Variants in NFASC observed in about 807,000 individuals in gnomAD.
NFASC encodes the protein neurofascin.
NFASC carries 43 observed loss-of-function variants against 147.5 expected under a neutral mutation model. That is an observed-to-expected ratio of 0.29 (90% confidence interval 0.23 to 0.38). NFASC has a LOEUF of 0.38. Ranked by LOEUF, NFASC falls within the 10% of genes least tolerant of loss-of-function variation. The probability of loss-of-function intolerance (pLI) is 1.00; values close to 1 mark genes in which losing one functional copy is unlikely to be tolerated. For missense variants in NFASC, 1,320 were observed against 1,689.0 expected (o/e 0.78, Z 3.83); for synonymous variants, 622 against 665.5 (o/e 0.93, Z 1.01).
At chr1:204,939,090 G>A (rs1328765279) in intron 2 of NFASC, among the ~76,000 whole-genome samples, 2 of 150,838 alleles carry the variant, frequency 1.3e-5, no homozygotes, top group East Asian at 1.9e-4. Flanking sequence ...GTGTGTGTAG[G>A]GGGATTGGGA....
At chr1:204,900,756 C>T (rs1029442181) in intron 1 of NFASC, among the ~76,000 whole-genome samples, 3 of 152,000 alleles carry the variant, frequency 2.0e-5, no homozygotes, top group Non-Finnish European at 4.4e-5. Flanking sequence ...GGAACGAAGA[C>T]CTGAGGGAGA....
intron 1 of NFASC, among the ~76,000 whole-genome samples, chr1:204,829,722 G>A (rs1014369037): frequency 4.6e-5 from 7 of 152,158 alleles, no homozygotes; most frequent in African/African-American, 1.4e-4. Flanking sequence ...AGGGTCCAGG[G>A]GAATGACTGA....
rs2095385536 is a variant in NFASC, at chr1:204,975,658, C to T, written c.1706+240C>T. The stretch of plus-strand genomic sequence containing the variant: ...CTCCCTGCTTCTCTCTCCTACACCT[C>T]CTCTCTCTCCCTCTTCTCAATCTCT... On this transcript the variant is annotated intron_variant, in intron 15 of 29. Transcript: ENST00000339876. The surrounding 1 kb of genome is among the most constrained non-coding windows in gnomAD (Gnocchi z 4.0). 6.6e-6 allele frequency among the ~76,000 whole-genome samples: 1 copy of T among 152,052 alleles called. No homozygotes were observed.
chr1:204,944,143 C>G (rs12061847), intron 2 of NFASC, 83 bp from the exon 3 acceptor site: 366,108 of 1,242,996 alleles, frequency 0.29, 56,352 homozygotes, highest in African/African-American at 0.44. Context: ...GGGGGCTCTT[C>G]GGTCCTCCAA....
At position 204,980,367 on chromosome 1, in the gene NFASC, C is replaced by T; in HGVS notation, c.2177-3C>T. ...CTTGAGCCTGTGTCTGTTTGGGTTC[C>T]AGCCCCCGAGTCCAATCCTGGTGAC... is the stretch of plus-strand genomic sequence containing the variant. On this transcript the variant is annotated splice_polypyrimidine_tract_variant and splice_region_variant and intron_variant, in intron 19 of 29. Transcript: ENST00000339876. The T allele has an allele frequency of 3.1e-6, 5 of 1,613,194 alleles. No individual in the cohort carries two copies. Among genetic ancestry groups the T allele is most frequent in the South Asian group, 1.1e-5 (1 of 90,900 alleles).
At chr1:204,833,982 T>C (rs934780827) in intron 1 of NFASC, among the ~76,000 whole-genome samples, 11 of 152,226 alleles carry the variant, frequency 7.2e-5, no homozygotes, top group Non-Finnish European at 8.8e-5. Context: ...ATTCATCAGA[T>C]GCTAACTGCT....
chr1:204,893,810 A>G (rs924403486), intron 1 of NFASC, among the ~76,000 whole-genome samples: 1 of 152,198 alleles, frequency 6.6e-6, no homozygotes, highest in Non-Finnish European at 1.5e-5. Flanking sequence ...TAAGTCCATT[A>G]TACAGTAAAG....
At position 205,016,299 on chromosome 1, in the gene NFASC, T is replaced by G; in HGVS notation, c.3492-9T>G. ...CCCCACCTGAGATTCTCTGTCTCTC[T>G]TTGGCCAGTGATGAGGACAACAAGC... On this transcript the variant is annotated splice_polypyrimidine_tract_variant and intron_variant, in intron 29 of 29. Transcript: ENST00000339876. This position sits in a 1 kb window ranked among gnomAD's most constrained non-coding sequence, Gnocchi z 5.1. 1 of 1,597,792 alleles carries G rather than the reference T, an allele frequency of 6.3e-7. No homozygotes were observed. The highest frequency in any genetic ancestry group is 8.6e-7 in the Non-Finnish European group (1 of 1,165,282).
intron 1 of NFASC, among the ~76,000 whole-genome samples, chr1:204,891,725 T>G (rs538841210): frequency 6.6e-6 from 1 of 151,984 alleles, no homozygotes; most frequent in South Asian, 2.1e-4. Flanking sequence ...GGGCACAGAG[T>G]GGGGCTGGAG....
rs145530574 is a variant in NFASC, at chr1:204,954,267, C to G, written c.295C>G (p.Leu99Val). Residue 99 changes from leucine (L) to valine (V), a missense_variant, in exon 6 of 30, where the codon CTG (leucine) becomes GTG (valine). This residue lies in a region of NFASC where 981 missense variants were observed against 1,289.5 expected (regional missense o/e 0.76). Coordinates refer to ENST00000339876, the MANE Select transcript of NFASC (RefSeq NM_001005388.3). The surrounding 1 kb of genome is among the most constrained non-coding windows in gnomAD (Gnocchi z 5.7). ...GTCCATGAGGAGGAGGTCTGGGACC[C>G]TGGTGATTGACTTCCGCAGTGGCGG... ...RVSMRRRSGT[L>V]VIDFRSGGRP... 1 of 1,614,220 alleles carries G rather than the reference C, an allele frequency of 6.2e-7. No individual in the cohort carries two copies. The highest frequency in any genetic ancestry group is 8.5e-7 in the Non-Finnish European group (1 of 1,180,024).
chr1:204,831,155 G>A (rs1672122833), intron 1 of NFASC, among the ~76,000 whole-genome samples: 1 of 152,132 alleles, frequency 6.6e-6, no homozygotes, highest in Non-Finnish European at 1.5e-5. Context: ...TGGAGCTCAG[G>A]TGAAGTGGGG....
At chr1:204,980,076 C>A (rs983226544) in intron 19 of NFASC, among the ~76,000 whole-genome samples, 1 of 152,198 alleles carries the variant, frequency 6.6e-6, no homozygotes, top group African/African-American at 2.4e-5. Context: ...GGAGCTAATC[C>A]ACATTGAGTT....
intron 1 of NFASC, among the ~76,000 whole-genome samples, chr1:204,892,555 A>G (rs1461163630): frequency 6.6e-6 from 1 of 152,198 alleles, no homozygotes; most frequent in Non-Finnish European, 1.5e-5. Flanking sequence ...GCTGTCCAAA[A>G]TGGTAGCCAC....
Position 204,987,347 on chromosome 1 carries a change from G to GT in NFASC, c.2471-65dup. 5 of 1,460,606 alleles carry GT rather than the reference G, an allele frequency of 3.4e-6. No homozygotes were observed. The highest frequency in any genetic ancestry group is 1.8e-4 in the Middle Eastern group (1 of 5,710). The allele number at this position is 1,460,606 out of a possible 1,614,324, so 90.5% of individuals were successfully genotyped here. A position where few individuals can be genotyped will look rare whatever the true frequency, so the allele number is the denominator to read the frequency against. On this transcript the variant is annotated intron_variant, in intron 21 of 29. Coordinates refer to ENST00000339876, the MANE Select transcript of NFASC (RefSeq NM_001005388.3). The surrounding 1 kb of genome is among the most constrained non-coding windows in gnomAD (Gnocchi z 4.4). ...GTCAATGCCTTCATACTTGTGCTTTGTTTTTTGTGTTTTCCTCATCCTCCC... is the reference window on the plus strand; with the variant it reads ...GTCAATGCCTTCATACTTGTGCTTTGTTTTTTTGTGTTTTCCTCATCCTCCC...
chr1:204,844,624 TA>T (rs1394150758), intron 1 of NFASC, among the ~76,000 whole-genome samples: 4 of 152,274 alleles, frequency 2.6e-5, no homozygotes, highest in African/African-American at 9.6e-5. Flanking sequence ...CTCATGCCTG[TA>T]ATCCCAGCGC....
At chr1:204,903,510 C>T (rs2085116723) in intron 1 of NFASC, among the ~76,000 whole-genome samples, 1 of 152,178 alleles carries the variant, frequency 6.6e-6, no homozygotes, top group South Asian at 2.1e-4. Context: ...TGGGGTGTCC[C>T]CCTCAGCCCC....
chr1:204,891,839 C>T (rs932233209), intron 1 of NFASC, among the ~76,000 whole-genome samples: 2 of 152,154 alleles, frequency 1.3e-5, no homozygotes, highest in African/African-American at 4.8e-5. Flanking sequence ...TGAAGAGGCA[C>T]GTTGCCCAGG....
chr1:204,983,978 C>A (rs376163739), intron 21 of NFASC: 35 of 1,331,384 alleles, frequency 2.6e-5, no homozygotes, highest in Non-Finnish European at 3.7e-5. Context: ...TCAGAAGCAA[C>A]TGTAGAGTCC....
At chr1:204,871,163 T>C (rs796188238) in intron 1 of NFASC, 2 of 1,157,846 alleles carry the variant, frequency 1.7e-6, no homozygotes, top group African/African-American at 1.6e-5. Flanking sequence ...CGGTGTGTGC[T>C]AGGATTGTGC....
Sources: gnomAD v4.1 joint callset for allele counts (sites outside exome capture counted in the v4.1 genomes callset) on GRCh38, gnomAD v4.1.1 for gene constraint, gnomAD v4.1.1 regional missense constraint, Gnocchi (gnomAD v3.1) non-coding constraint, MANE v1.5 for transcripts, NCBI Gene and HGNC (gene_info 2026-07-23, HGNC 2026-07-21) for gene names.